The following CFAP299 variants were observed in gnomAD, a reference collection of about 807,000 sequenced individuals.
The protein encoded by CFAP299 is cilia- and flagella-associated protein 299.
A neutral mutation model predicts 27.0 loss-of-function variants in CFAP299; 21 were observed. That is an observed-to-expected ratio of 0.78 (90% CI 0.55 to 1.12). CFAP299 has a LOEUF of 1.12. CFAP299 is among the 50% of genes most tolerant of loss of function. The pLI, the probability that CFAP299 is intolerant of heterozygous loss-of-function variation, is 0.00. For missense variants in CFAP299, 310 were observed against 276.6 expected (o/e 1.12, Z -0.86); for synonymous variants, 104 against 98.1 (o/e 1.06, Z -0.36).
intron 4 of CFAP299, 26 bp from the exon 5 acceptor site, chr4:80,944,784 T>C (rs1409198544): frequency 1.3e-6 from 2 of 1,540,676 alleles, no homozygotes; most frequent in Non-Finnish European, 1.8e-6. Flanking sequence ...TACATCTTAA[T>C]TCCTAATAAA....
chr4:80,815,700 A>G (rs1023341889), intron 3 of CFAP299, among the ~76,000 whole-genome samples: 25 of 152,080 alleles, frequency 1.6e-4, no homozygotes, highest in Admixed American at 1.6e-3. Context: ...GGAGCCCTGA[A>G]ATAATCTCCA....
intron 3 of CFAP299, among the ~76,000 whole-genome samples, chr4:80,758,628 G>A (rs1725385929): frequency 6.6e-6 from 1 of 152,108 alleles, no homozygotes; most frequent in South Asian, 2.1e-4. Context: ...ATAGACCTAT[G>A]TTCCATAACA....
intron 2 of CFAP299, among the ~76,000 whole-genome samples, chr4:80,558,113 A>G (rs1191879154): frequency 6.6e-6 from 1 of 152,154 alleles, no homozygotes; most frequent in Non-Finnish European, 1.5e-5. Flanking sequence ...CCCAATTAAT[A>G]TAATTTTCTT....
At chr4:80,678,680 C>T (rs949987750) in intron 3 of CFAP299, among the ~76,000 whole-genome samples, 1 of 152,026 alleles carries the variant, frequency 6.6e-6, no homozygotes, top group African/African-American at 2.4e-5. Flanking sequence ...TTATTAGTAT[C>T]ATCCTCTTTA....
At chr4:80,800,632 A>T (rs1460533971) in intron 3 of CFAP299, among the ~76,000 whole-genome samples, 2 of 102,530 alleles carry the variant, frequency 2.0e-5, no homozygotes, top group African/African-American at 4.1e-5. Flanking sequence ...ATATTAATAT[A>T]AATATATAAT....
chr4:80,666,861 A>G (rs1741166385), intron 3 of CFAP299, among the ~76,000 whole-genome samples: 1 of 152,180 alleles, frequency 6.6e-6, no homozygotes, highest in Non-Finnish European at 1.5e-5. Flanking sequence ...CTGCTAATGC[A>G]AAGTTTCTAG....
chr4:80,859,245 T>C (rs945583585), intron 3 of CFAP299, among the ~76,000 whole-genome samples: 2 of 152,152 alleles, frequency 1.3e-5, no homozygotes, highest in Non-Finnish European at 2.9e-5. Flanking sequence ...CTGCCTTTTT[T>C]TGTTTTCCAT....
At chr4:80,485,936 C>A (rs1244958357) in intron 2 of CFAP299, among the ~76,000 whole-genome samples, 1 of 151,972 alleles carries the variant, frequency 6.6e-6, no homozygotes, top group Non-Finnish European at 1.5e-5. Flanking sequence ...TAAACCTAGT[C>A]GCTAAATTCT....
At chr4:80,644,366 C>T (rs1055749527) in intron 3 of CFAP299, among the ~76,000 whole-genome samples, 1 of 152,046 alleles carries the variant, frequency 6.6e-6, no homozygotes, top group African/African-American at 2.4e-5. Flanking sequence ...CATTTTCACT[C>T]AGGTTAATGA....
At chr4:80,515,400 T>A (rs910745534) in intron 2 of CFAP299, among the ~76,000 whole-genome samples, 1 of 152,206 alleles carries the variant, frequency 6.6e-6, no homozygotes, top group South Asian at 2.1e-4. Context: ...TCATGCTAAT[T>A]GCTATGCTCT....
rs182097962 is a variant in CFAP299, at chr4:80,869,006, C to A, written c.334-987C>A. 2.1e-3 allele frequency among the ~76,000 whole-genome samples: 317 copies of A among 150,598 alleles called. 2 individuals are homozygous for A. The highest frequency in any genetic ancestry group is 7.4e-3 in the African/African-American group (303 of 40,868). On this transcript the variant is annotated intron_variant, in intron 3 of 5. Coordinates refer to ENST00000358105, the MANE Select transcript of CFAP299 (RefSeq NM_152770.3). The stretch of plus-strand genomic sequence containing the variant: ...CTTGATGGTGAAAAGATGTCCAGCA[C>A]CTTTAGGAATGAATATGAAATTATG...
chr4:80,940,748 G>T (rs1560485683), intron 4 of CFAP299, among the ~76,000 whole-genome samples: 1 of 151,968 alleles, frequency 6.6e-6, no homozygotes, highest in Non-Finnish European at 1.5e-5. Context: ...TTCCCTTTAA[G>T]TACTAATATC....
chr4:80,390,272 C>T (rs1725253295), intron 2 of CFAP299, among the ~76,000 whole-genome samples: 1 of 151,710 alleles, frequency 6.6e-6, no homozygotes, highest in African/African-American at 2.4e-5. Flanking sequence ...CTGACATCTC[C>T]CGATTTACCC....
intron 3 of CFAP299, among the ~76,000 whole-genome samples, chr4:80,631,759 T>A (rs1197123131): frequency 6.6e-6 from 1 of 151,956 alleles, no homozygotes; most frequent in Non-Finnish European, 1.5e-5. Flanking sequence ...TTTAGCCACG[T>A]GAACAATAAT....
intron 3 of CFAP299, among the ~76,000 whole-genome samples, chr4:80,682,770 C>T (rs893173705): frequency 2.0e-5 from 3 of 152,084 alleles, no homozygotes; most frequent in Admixed American, 2.0e-4. Context: ...AAGTTTCATT[C>T]TATCATTCTC....
intron 2 of CFAP299, among the ~76,000 whole-genome samples, chr4:80,486,567 C>T (rs1730829166): frequency 6.6e-6 from 1 of 152,212 alleles, no homozygotes; most frequent in Non-Finnish European, 1.5e-5. Flanking sequence ...TTTGATTGAT[C>T]TGTGAGGATG....
At chr4:80,782,598 T>TG (rs1726954427) in intron 3 of CFAP299, among the ~76,000 whole-genome samples, 1 of 129,144 alleles carries the variant, frequency 7.7e-6, no homozygotes, top group Non-Finnish European at 1.7e-5. Flanking sequence ...TATTCATATA[T>TG]AATATACATA....
chr4:80,778,604 A>G (rs1276430200), intron 3 of CFAP299, among the ~76,000 whole-genome samples: 1 of 152,116 alleles, frequency 6.6e-6, no homozygotes, highest in Admixed American at 6.6e-5. Flanking sequence ...AGCTCTTACT[A>G]GATGACTCTT....
chr4:80,398,437 A>G (rs1266927121), intron 2 of CFAP299, among the ~76,000 whole-genome samples: 1 of 152,186 alleles, frequency 6.6e-6, no homozygotes, highest in Non-Finnish European at 1.5e-5. Context: ...ACTTCAAACT[A>G]TACTACAAGG....
Sources: allele counts gnomAD v4.1 joint callset (sites outside exome capture counted in the v4.1 genomes callset), GRCh38; gene constraint gnomAD v4.1.1; transcripts MANE v1.5; gene names NCBI Gene and HGNC (gene_info 2026-07-23, HGNC 2026-07-21).